Variants in AGBL4 observed in about 807,000 individuals in gnomAD.
AGBL4 encodes the protein AGBL carboxypeptidase 4.
Under a neutral mutation model 66.4 loss-of-function variants are expected in AGBL4, and 58 were observed. The ratio of observed to expected loss-of-function variants is 0.87; its 90% confidence interval spans 0.71 to 1.09. AGBL4 has a LOEUF of 1.09. AGBL4 is among the 50% of genes least tolerant of loss of function. The pLI, the probability that AGBL4 is intolerant of heterozygous loss-of-function variation, is 0.00. For missense variants in AGBL4, 579 were observed against 631.0 expected (o/e 0.92, Z 0.88); for synonymous variants, 234 against 222.9 (o/e 1.05, Z -0.44).
chr1:49,552,486 C>T (rs1005113342), intron 3 of AGBL4, among the ~76,000 whole-genome samples: 1 of 152,182 alleles, frequency 6.6e-6, no homozygotes, highest in Non-Finnish European at 1.5e-5. Flanking sequence ...TTCTGCTCCT[C>T]CTCTATACCC....
chr1:49,012,813 G>A (rs1295997334), intron 5 of AGBL4, among the ~76,000 whole-genome samples: 2 of 152,242 alleles, frequency 1.3e-5, no homozygotes, highest in Admixed American at 6.5e-5. Flanking sequence ...TAAAACTCAT[G>A]TTGAAAGTTA....
chr1:49,918,025 T>C (rs1423353336), intron 1 of AGBL4, among the ~76,000 whole-genome samples: 4 of 152,186 alleles, frequency 2.6e-5, no homozygotes, highest in South Asian at 2.1e-4. Context: ...AAAGATGTTC[T>C]TTGAAACCAA....
At chr1:48,593,901 G>T (rs917042229) in intron 9 of AGBL4, among the ~76,000 whole-genome samples, 26 of 152,294 alleles carry the variant, frequency 1.7e-4, no homozygotes, top group African/African-American at 6.3e-4. Context: ...AATATAGGTG[G>T]AATAAAACTT....
At chr1:49,701,986 C>A (rs1647102826) in intron 2 of AGBL4, among the ~76,000 whole-genome samples, 2 of 151,124 alleles carry the variant, frequency 1.3e-5, no homozygotes, top group African/African-American at 4.9e-5. Flanking sequence ...AGGGTAATTC[C>A]ACCAAGAACA....
At chr1:49,803,617 T>A (rs923009007) in intron 2 of AGBL4, among the ~76,000 whole-genome samples, 2 of 152,170 alleles carry the variant, frequency 1.3e-5, no homozygotes, top group Non-Finnish European at 2.9e-5. Flanking sequence ...TTCTCTGAAC[T>A]GCAGTTTTCT....
At chr1:48,799,191 T>G (rs898689124) in intron 6 of AGBL4, among the ~76,000 whole-genome samples, 5 of 152,236 alleles carry the variant, frequency 3.3e-5, no homozygotes, top group African/African-American at 1.2e-4. Flanking sequence ...TGTGATTTCT[T>G]TCAGCAGTGT....
At chr1:49,124,289 A>G (rs903367226) in intron 4 of AGBL4, among the ~76,000 whole-genome samples, 1 of 152,252 alleles carries the variant, frequency 6.6e-6, no homozygotes, top group African/African-American at 2.4e-5. Context: ...AGAGTCCTCT[A>G]TAATCAGCAG....
At chr1:49,581,835 T>C (rs1406513448) in intron 3 of AGBL4, among the ~76,000 whole-genome samples, 2 of 152,118 alleles carry the variant, frequency 1.3e-5, no homozygotes, top group African/African-American at 4.8e-5. Flanking sequence ...CTTTCTTGCA[T>C]GTCAATTGTA....
chr1:49,929,567 A>G (rs552402444), intron 1 of AGBL4, among the ~76,000 whole-genome samples: 1 of 152,218 alleles, frequency 6.6e-6, no homozygotes, highest in South Asian at 2.1e-4. Flanking sequence ...TATAAACAAA[A>G]TTAAGATTAA....
intron 3 of AGBL4, among the ~76,000 whole-genome samples, chr1:49,427,443 T>A (rs1316781661): frequency 6.7e-6 from 1 of 149,744 alleles, no homozygotes; most frequent in Admixed American, 6.7e-5. Flanking sequence ...GAAAACAATT[T>A]CCTGGTGGTG....
intron 2 of AGBL4, among the ~76,000 whole-genome samples, chr1:49,787,626 A>G (rs1644491750): frequency 6.6e-6 from 1 of 152,196 alleles, no homozygotes; most frequent in Non-Finnish European, 1.5e-5. Flanking sequence ...GTCACTAGAA[A>G]GACTCAGAGG....
At chr1:49,177,928 T>G (rs376620150) in intron 4 of AGBL4, among the ~76,000 whole-genome samples, 1 of 152,142 alleles carries the variant, frequency 6.6e-6, no homozygotes, top group Non-Finnish European at 1.5e-5. Flanking sequence ...TTCCAAAACT[T>G]TGGACCTACA....
chr1:49,232,427 G>A (rs759574123), intron 4 of AGBL4, among the ~76,000 whole-genome samples: 8 of 152,054 alleles, frequency 5.3e-5, no homozygotes, highest in South Asian at 2.1e-4. Context: ...GGCTGGGCGC[G>A]GTGGCTCAAG....
chr1:48,616,392 A>T (rs973286391), intron 9 of AGBL4, among the ~76,000 whole-genome samples: 1 of 152,190 alleles, frequency 6.6e-6, no homozygotes, highest in Admixed American at 6.5e-5. Context: ...GTGAGAAAAG[A>T]ACAGGGTTTT....
intron 3 of AGBL4, among the ~76,000 whole-genome samples, chr1:49,541,339 G>A (rs1483385227): frequency 6.6e-6 from 1 of 152,146 alleles, no homozygotes; most frequent in African/African-American, 2.4e-5. Context: ...GGAGGGAGAG[G>A]CGTGGGCAGG....
intron 9 of AGBL4, among the ~76,000 whole-genome samples, chr1:48,606,268 G>A (rs1040616573): frequency 6.6e-6 from 1 of 151,772 alleles, no homozygotes; most frequent in African/African-American, 2.4e-5. Flanking sequence ...ATGAATTTCT[G>A]TATTCTCTGG....
intron 3 of AGBL4, among the ~76,000 whole-genome samples, chr1:49,331,526 C>T (rs1041304031): frequency 1.3e-5 from 2 of 152,172 alleles, no homozygotes; most frequent in Non-Finnish European, 2.9e-5. Context: ...AGCTGCTTTA[C>T]CAAAACGTCT....
chr1:49,796,555 T>A (rs1437722490), intron 2 of AGBL4, among the ~76,000 whole-genome samples: 1 of 151,282 alleles, frequency 6.6e-6, no homozygotes, highest in Non-Finnish European at 1.5e-5. Flanking sequence ...ATTATCTTTT[T>A]AAAATATTAG....
intron 3 of AGBL4, chr1:49,269,212 T>TC (rs1451946242): frequency 6.6e-6 from 1 of 152,176 alleles, no homozygotes; most frequent in African/African-American, 2.4e-5. Flanking sequence ...ATCAGCAGAT[T>TC]AATCTACAGT....
Sources: allele counts gnomAD v4.1 joint callset (sites outside exome capture counted in the v4.1 genomes callset), GRCh38; gene constraint gnomAD v4.1.1; transcripts MANE v1.5; gene names NCBI Gene and HGNC (gene_info 2026-07-23, HGNC 2026-07-21).